MCF2L: variants seen among roughly 807,000 people sequenced by gnomAD.
MCF2L encodes the protein MCF.2 cell line derived transforming sequence like, also known as guanine nucleotide exchange factor DBS.
In MCF2L, 97 loss-of-function variants were observed where a neutral mutation model predicts 153.4. That is an observed-to-expected ratio of 0.63 (90% CI 0.54 to 0.75). The LOEUF (loss-of-function observed/expected upper bound fraction) is 0.75. Among genes scored for constraint, MCF2L ranks in the 30% least tolerant of loss-of-function variants. MCF2L has a pLI of 0.00. For synonymous variants in MCF2L, 659 were observed against 632.2 expected (o/e 1.04, Z -0.64); for missense variants, 1,347 against 1,495.2 (o/e 0.90, Z 1.64).
Position 112,907,820 on chromosome 13 carries a change from C to T in MCF2L, c.169+5449C>T, listed in dbSNP as rs956306746. Among the ~76,000 whole-genome samples, 1 of 152,124 alleles carries T rather than the reference C, an allele frequency of 6.6e-6. No homozygotes were observed. Among genetic ancestry groups the T allele is most frequent in the Non-Finnish European group, 1.5e-5 (1 of 68,032 alleles). Reference sequence around the variant, plus strand: ...AGAAAAGGCGATCTCAGCAGCACGCCGTGTTAAAGAACAGCGCATGTTGGG... The same window carrying T: ...AGAAAAGGCGATCTCAGCAGCACGCTGTGTTAAAGAACAGCGCATGTTGGG... On this transcript the variant is annotated intron_variant, in intron 2 of 29. Coordinates refer to the MCF2L transcript ENST00000375608. This position sits in a 1 kb window ranked among gnomAD's most constrained non-coding sequence, Gnocchi z 5.1.
intron 1 of MCF2L, among the ~76,000 whole-genome samples, chr13:113,005,380 A>G (rs1202057650): frequency 3.9e-5 from 6 of 152,212 alleles, no homozygotes; most frequent in Non-Finnish European, 7.3e-5. Flanking sequence ...CGGAGGACAC[A>G]GAGTTTCCGT....
At chr13:112,936,822 A>T (rs2081519794) in intron 2 of MCF2L, among the ~76,000 whole-genome samples, 1 of 152,198 alleles carries the variant, frequency 6.6e-6, no homozygotes. Context: ...TAGACTTTAA[A>T]TCAGCTCCAG....
chr13:113,075,117 G>T lies in MCF2L; in HGVS notation c.1236G>T (p.Gln412His). Reference protein sequence around the residue: ...KCQELRHLCDQFSAEIARRRG... With the variant: ...KCQELRHLCDHFSAEIARRRG... ...AGGAGCTCCGGCACCTCTGTGACCA[G>T]TTCTCTGCGGAGATCGCAAGGAGGA... Residue 412 changes from glutamine (Q) to histidine (H), a missense_variant, in exon 11 of 30, where the codon CAG becomes CAT. This residue lies in a region of MCF2L where 820 missense variants were observed against 921.2 expected (regional missense o/e 0.89). Transcript: ENST00000535094. 1 of 1,613,400 alleles carries T rather than the reference G, an allele frequency of 6.2e-7. No homozygotes were observed. The highest frequency in any genetic ancestry group is 8.5e-7 in the Non-Finnish European group (1 of 1,179,888).
intron 2 of MCF2L, among the ~76,000 whole-genome samples, chr13:112,954,462 C>A (rs189068608): frequency 1.4e-4 from 21 of 152,354 alleles, no homozygotes; most frequent in Admixed American, 5.9e-4. Flanking sequence ...GGAGGACCTG[C>A]GGTCATTTTC....
In MCF2L at chr13:112,983,416, C is replaced by T. The variant is rs2082511166; in HGVS notation, c.79+13958C>T. Among the ~76,000 whole-genome samples the T allele has an allele frequency of 6.6e-6, 1 of 152,254 alleles. No individual in the cohort carries two copies. Among genetic ancestry groups the T allele is most frequent in the South Asian group, 2.1e-4 (1 of 4,834 alleles). On this transcript the variant is annotated intron_variant, in intron 1 of 29. Coordinates refer to ENST00000535094, the MANE Select transcript of MCF2L (RefSeq NM_001112732.3). This position sits in a 1 kb window ranked among gnomAD's most constrained non-coding sequence, Gnocchi z 4.0. ...AATTGCAGGATGAGCCTCCTCCCTTCTATCCGGCAGGTGGCCTTCTCCAGG... is the reference window on the plus strand; with the variant it reads ...AATTGCAGGATGAGCCTCCTCCCTTTTATCCGGCAGGTGGCCTTCTCCAGG...
Position 113,075,888 on chromosome 13 carries a change from C to T in MCF2L, c.1309-78C>T, listed in dbSNP as rs2033422008. 18 of 1,205,084 alleles carry T rather than the reference C, an allele frequency of 1.5e-5. No homozygotes were observed. In the South Asian group the frequency reaches 2.0e-4, roughly 13 times the overall value. 74.6% of individuals were successfully genotyped at this position (1,205,084 alleles called of 1,614,324 possible). A position where few individuals can be genotyped will look rare whatever the true frequency, so the allele number is the denominator to read the frequency against. ...CCCGGGATCTGTCGGGAGGACACCC[C>T]GGCAGTGTGTGCCTGGACAGGGTGA... On this transcript the variant is annotated intron_variant, in intron 11 of 29. Coordinates refer to ENST00000535094, the MANE Select transcript of MCF2L (RefSeq NM_001112732.3).
intron 2 of MCF2L, chr13:112,956,154 C>T (rs1292068045): frequency 2.6e-5 from 4 of 153,328 alleles, no homozygotes; most frequent in East Asian, 1.9e-4. Flanking sequence ...CCCTGGTCCG[C>T]AGAGGCCGGT....
upstream of MCF2L, among the ~76,000 whole-genome samples, chr13:112,964,235 G>A (rs542703113): frequency 1.9e-4 from 29 of 152,362 alleles, no homozygotes; most frequent in African/African-American, 6.7e-4. Context: ...TGCCCACGTT[G>A]ATGTCAAGCT....
At position 113,045,126 on chromosome 13, in the gene MCF2L, C is replaced by T. The variant is rs527379445; in HGVS notation, c.279-145C>T. 2.4e-5 allele frequency: 22 copies of T among 920,028 alleles called. No homozygotes were observed. Among genetic ancestry groups the T allele is most frequent in the South Asian group, 1.8e-4 (12 of 66,066 alleles). The allele number at this position is 920,028 out of a possible 1,614,324, so 57.0% of individuals were successfully genotyped here. ...GCGGGGATGGGGCTGCCGGGGCCCC[C>T]GTGTGCCATGCCTCTCACCTGGTAT... On this transcript the variant is annotated intron_variant, in intron 3 of 29. Transcript: ENST00000535094. This position sits in a 1 kb window ranked among gnomAD's most constrained non-coding sequence, Gnocchi z 4.2.
intron 1 of MCF2L, chr13:113,001,769 G>C: frequency 7.2e-7 from 1 of 1,395,206 alleles, no homozygotes. Flanking sequence ...CCCTGCAGAG[G>C]CCAGGTCTGC....
At chr13:113,001,976 C>T (rs766671239) in intron 1 of MCF2L, 92 of 1,586,628 alleles carry the variant, frequency 5.8e-5, no homozygotes, top group Middle Eastern at 2.1e-4. Context: ...TGCTGAAGGC[C>T]GGCGCAGGTG....
intron 1 of MCF2L, among the ~76,000 whole-genome samples, chr13:112,995,073 G>A (rs904920745): frequency 3.9e-5 from 6 of 152,290 alleles, no homozygotes; most frequent in Middle Eastern, 3.4e-3. Context: ...TCTGACCTGC[G>A]TGGCACTCAC....
intron 1 of MCF2L, among the ~76,000 whole-genome samples, chr13:112,987,124 T>C (rs1295496193): frequency 6.6e-6 from 1 of 152,054 alleles, no homozygotes; most frequent in Non-Finnish European, 1.5e-5. Flanking sequence ...GGAGCTGCCT[T>C]TCCCTGAAGC....
rs563674988 is a variant in MCF2L at position 113,078,843 on chromosome 13, G to T, written c.1808+104G>T. The T allele has an allele frequency of 1.7e-5, 18 of 1,036,202 alleles. No homozygotes were observed. The African/African-American group carries it at 2.4e-4, about 14-fold the overall frequency. The allele number at this position is 1,036,202 out of a possible 1,614,324, so 64.2% of individuals were successfully genotyped here. A position where few individuals can be genotyped will look rare whatever the true frequency, so the allele number is the denominator to read the frequency against. On this transcript the variant is annotated intron_variant, in intron 15 of 29. Transcript: ENST00000535094. ...CAGATGCCTCACAGATAGAAGGCTGGTGCAGAAGTCATTGTGGTTCTTACT... is the reference window on the plus strand; with the variant it reads ...CAGATGCCTCACAGATAGAAGGCTGTTGCAGAAGTCATTGTGGTTCTTACT...
chr13:112,932,015 T>A lies in MCF2L; in HGVS notation c.169+29644T>A, dbSNP rs2081468930. On this transcript the variant is annotated intron_variant, in intron 2 of 29. Transcript: ENST00000375608. This position sits in a 1 kb window ranked among gnomAD's most constrained non-coding sequence, Gnocchi z 4.6. ...AGATAAGTCTCCCTTGCAGAAGAAT[T>A]CCCCATCCTTCATGTAGATGAGTTG... Among the ~76,000 whole-genome samples, 1 of 152,122 alleles carries A rather than the reference T, an allele frequency of 6.6e-6. No individual in the cohort carries two copies. Among genetic ancestry groups the A allele is most frequent in the Admixed American group, 6.5e-5 (1 of 15,272 alleles).
chr13:113,088,586 A>C lies in MCF2L; in HGVS notation c.2792A>C (p.Glu931Ala). ...CREASQHRALEQSQSLPLPAP... is the reference protein window; with the variant it reads ...CREASQHRALAQSQSLPLPAP... ...GAAGCCAGCCAGCACCGGGCGCTGG[A>C]GCAGTCACAGAGCCTGCCCCTGCCG... Residue 931 changes from glutamate to alanine, a missense_variant, in exon 25 of 30, where the codon GAG becomes GCG. Glu to Ala is a moderately radical substitution (Grantham distance 107, BLOSUM62 -1). Coordinates refer to ENST00000535094, the MANE Select transcript of MCF2L (RefSeq NM_001112732.3). The C allele has an allele frequency of 1.2e-6, 2 of 1,610,326 alleles. No individual in the cohort carries two copies. The highest frequency in any genetic ancestry group is 1.7e-6 in the Non-Finnish European group (2 of 1,179,868).
chr13:113,016,655 C>G (rs117937773), intron 2 of MCF2L, among the ~76,000 whole-genome samples: 2 of 152,186 alleles, frequency 1.3e-5, no homozygotes, highest in African/African-American at 2.4e-5. Flanking sequence ...CTGCCCACCC[C>G]CTGGAGGCAG....
chr13:113,000,828 G>A (rs1244397720), intron 1 of MCF2L, among the ~76,000 whole-genome samples: 5 of 152,212 alleles, frequency 3.3e-5, no homozygotes, highest in South Asian at 2.1e-4. Context: ...AGAGGCCGGG[G>A]CCAGCAGGGA....
In MCF2L at chr13:112,932,047, C is replaced by T. The variant is rs889633156; in HGVS notation, c.169+29676C>T. 1.4e-4 allele frequency among the ~76,000 whole-genome samples: 21 copies of T among 152,134 alleles called. No homozygotes were observed. Among genetic ancestry groups the T allele is most frequent in the African/African-American group, 4.6e-4 (19 of 41,434 alleles). On this transcript the variant is annotated intron_variant, in intron 2 of 29. Transcript: ENST00000375608. The surrounding 1 kb of genome is among the most constrained non-coding windows in gnomAD (Gnocchi z 4.6). ...CCTTCATGTAGATGAGTTGTTGTCA[C>T]GAGGGGAGCTCAGAACCCTACTTCC...
Sources: gnomAD v4.1 joint callset for allele counts (sites outside exome capture counted in the v4.1 genomes callset) on GRCh38, gnomAD v4.1.1 for gene constraint, gnomAD v4.1.1 regional missense constraint, Gnocchi (gnomAD v3.1) non-coding constraint, MANE v1.5 for transcripts, NCBI Gene and HGNC (gene_info 2026-07-23, HGNC 2026-07-21) for gene names.